The following JHY variants were observed in gnomAD, a reference collection of about 807,000 sequenced individuals.
The protein encoded by JHY is junctional cadherin complex regulator.
In JHY, 69 loss-of-function variants were observed where a neutral mutation model predicts 78.0. The ratio of observed to expected loss-of-function variants is 0.88; its 90% CI spans 0.73 to 1.08. JHY has a LOEUF of 1.08. JHY is among the 50% of genes least tolerant of loss of function. The probability of loss-of-function intolerance (pLI) is 0.00; values close to 1 mark genes in which losing one functional copy is unlikely to be tolerated. For synonymous variants in JHY, 368 were observed against 342.6 expected (o/e 1.07, Z -0.82); for missense variants, 944 against 927.8 (o/e 1.02, Z -0.23).
intron 5 of JHY, among the ~76,000 whole-genome samples, chr11:122,943,717 T>C (rs1863915594): frequency 6.6e-6 from 1 of 152,250 alleles, no homozygotes. Flanking sequence ...TTCCTAATAA[T>C]GCTTCTTTCT....
rs1419972319 is a variant in JHY, at chr11:122,935,457, A to T, written c.1634+382A>T. ...AGCATGTTGGCCAGGCTGGTCTCGA[A>T]CTCCTGACCTCAAGTAATCCACCCG... is the stretch of plus-strand genomic sequence containing the variant. On this transcript the variant is annotated intron_variant, in intron 5 of 8. Transcript: ENST00000227349. The surrounding 1 kb of genome is among the most constrained non-coding windows in gnomAD (Gnocchi z 4.5). Among the ~76,000 whole-genome samples the T allele has an allele frequency of 6.6e-6, 1 of 151,958 alleles. No individual in the cohort carries two copies.
chr11:122,902,846 T>C (rs1212759171), intron 2 of JHY, among the ~76,000 whole-genome samples: 3 of 152,196 alleles, frequency 2.0e-5, no homozygotes, highest in African/African-American at 7.2e-5. Context: ...CACCAGGCCC[T>C]ACCTCCAACA....
At chr11:122,936,976 A>G (rs1307982120) in intron 5 of JHY, among the ~76,000 whole-genome samples, 1 of 152,140 alleles carries the variant, frequency 6.6e-6, no homozygotes, top group Non-Finnish European at 1.5e-5. Flanking sequence ...CTCTAAAACT[A>G]TTGGGCCATT....
intron 2 of JHY, among the ~76,000 whole-genome samples, chr11:122,893,107 A>G (rs972971663): frequency 1.3e-5 from 2 of 152,168 alleles, no homozygotes; most frequent in African/African-American, 4.8e-5. Context: ...CTTACAATAC[A>G]TTACACTACC....
chr11:122,907,833 CAAAAAAA>C (rs71057309), intron 3 of JHY, among the ~76,000 whole-genome samples: 1 of 83,962 alleles, frequency 1.2e-5, no homozygotes. Flanking sequence ...AACTCTATCT[CAAAAAAA>C]AAAAAAAAAA....
intron 3 of JHY, among the ~76,000 whole-genome samples, chr11:122,913,210 A>G (rs969616267): frequency 2.6e-5 from 4 of 151,990 alleles, no homozygotes; most frequent in African/African-American, 7.2e-5. Flanking sequence ...TCAATCAAAC[A>G]CTGTCCTAGG....
At chr11:122,905,291 T>C in intron 3 of JHY, 1 of 1,611,816 alleles carries the variant, frequency 6.2e-7, no homozygotes, top group Non-Finnish European at 8.5e-7. Flanking sequence ...TATGGACATG[T>C]CCAGGGATAC....
At position 122,934,427 on chromosome 11, in the gene JHY, AG is replaced by A; in HGVS notation, c.988del (p.Glu330AsnfsTer23). 1 of 1,594,246 alleles carries A rather than the reference AG, an allele frequency of 6.3e-7. No individual in the cohort carries two copies. Among genetic ancestry groups the A allele is most frequent in the Non-Finnish European group, 8.6e-7 (1 of 1,168,094 alleles). ...HQRAQQLKNY[Q>X]EHWSQYESTK... ...CCAAAAATATCTCTTTAGAATTACC[AG>A]GAACACTGGTCTCAATATGAAAGTA... On this transcript the variant is annotated frameshift_variant, in exon 5 of 9. Transcript: ENST00000227349. LOFTEE classifies it high-confidence loss of function.
At chr11:122,891,221 G>A (rs3134434) in intron 2 of JHY, among the ~76,000 whole-genome samples, 143,985 of 152,258 alleles carry the variant, frequency 0.95, 68,157 homozygotes, top group Middle Eastern at 0.98. Flanking sequence ...TCTTGCTTTT[G>A]TAATCAATAA....
rs1591406032 is a variant in JHY at position 122,962,366 on chromosome 11, G to A, written c.*2921G>A. Among the ~76,000 whole-genome samples the A allele has an allele frequency of 6.6e-6, 1 of 152,292 alleles. No homozygotes were observed. Among genetic ancestry groups the A allele is most frequent in the South Asian group, 2.1e-4 (1 of 4,828 alleles). On this transcript the variant is annotated 3_prime_UTR_variant, in exon 9 of 9. Coordinates refer to ENST00000227349, the MANE Select transcript of JHY (RefSeq NM_024806.4). ...CCAAAATGTAGCATAAAAGATGCCT[G>A]TATGAAACCTTCTCTTAAAACTGAA...
chr11:122,919,149 C>T (rs1863298749), intron 3 of JHY, among the ~76,000 whole-genome samples: 1 of 151,668 alleles, frequency 6.6e-6, no homozygotes, highest in African/African-American at 2.4e-5. Flanking sequence ...GTCAGAAGTT[C>T]GGGACCAGCC....
intron 5 of JHY, among the ~76,000 whole-genome samples, chr11:122,941,653 A>G (rs1336291342): frequency 6.6e-6 from 1 of 152,170 alleles, no homozygotes; most frequent in Non-Finnish European, 1.5e-5. Context: ...AGTTTAACAT[A>G]CAGTTAAATT....
At chr11:122,947,672 G>A (rs947428085) in intron 6 of JHY, 1 of 152,210 alleles carries the variant, frequency 6.6e-6, no homozygotes, top group African/African-American at 2.4e-5. Flanking sequence ...CCTGTGGTGA[G>A]TTGGGTTTTC....
intron 3 of JHY, among the ~76,000 whole-genome samples, chr11:122,916,819 A>T (rs1249660751): frequency 1.3e-5 from 2 of 151,882 alleles, no homozygotes; most frequent in African/African-American, 4.8e-5. Flanking sequence ...TTGTATTTTT[A>T]GTAGAGATAG....
intron 3 of JHY, 82 bp downstream of exon 3, chr11:122,904,526 C>T: frequency 2.1e-6 from 3 of 1,444,044 alleles, no homozygotes; most frequent in Non-Finnish European, 2.8e-6. Flanking sequence ...ATATCGCTTC[C>T]TTTAAGATGA....
Position 122,956,867 on chromosome 11 carries a change from T to C in JHY, c.2010+291T>C, listed in dbSNP as rs549887587. On this transcript the variant is annotated intron_variant, in intron 7 of 8. Transcript: ENST00000227349. ...AGAAATGTGTATGTTATGTGGTTGT[T>C]GGTCTTTCCTACTAGAGTTATCTTG... is the stretch of plus-strand genomic sequence containing the variant. Among the ~76,000 whole-genome samples the C allele has an allele frequency of 2.6e-5, 4 of 152,330 alleles. No individual in the cohort carries two copies. In the South Asian group the frequency reaches 8.3e-4, roughly 32 times the overall value.
chr11:122,952,746 T>G (rs1864115185), intron 6 of JHY, among the ~76,000 whole-genome samples: 1 of 152,218 alleles, frequency 6.6e-6, no homozygotes, highest in East Asian at 1.9e-4. Context: ...AGGATGTGAT[T>G]TGTGAGCACT....
chr11:122,957,605 G>A, intron 8 of JHY, 114 bp downstream of exon 8: 2 of 1,123,438 alleles, frequency 1.8e-6, no homozygotes, highest in Non-Finnish European at 2.3e-6. Context: ...GTCTTGCCCA[G>A]GATGGTCATA....
chr11:122,928,376 A>G (rs1863557509), intron 4 of JHY, among the ~76,000 whole-genome samples: 1 of 152,184 alleles, frequency 6.6e-6, no homozygotes. Flanking sequence ...CCTCATTTGA[A>G]AATTTTTTCT....
Sources: allele counts gnomAD v4.1 joint callset (sites outside exome capture counted in the v4.1 genomes callset), GRCh38; gene constraint gnomAD v4.1.1; non-coding constraint Gnocchi (gnomAD v3.1); transcripts MANE v1.5; gene names NCBI Gene and HGNC (gene_info 2026-07-23, HGNC 2026-07-21).